Variants in CDH12 observed in about 807,000 individuals in gnomAD.
CDH12 encodes the protein cadherin 12, also known as cadherin-12.
CDH12 carries 41 observed loss-of-function variants against 74.1 expected under a neutral mutation model. The observed-to-expected ratio is 0.55, with a 90% CI of 0.43 to 0.72. CDH12 has a LOEUF of 0.72. Ranked by LOEUF, CDH12 falls within the 30% of genes least tolerant of loss-of-function variation. CDH12 has a pLI of 0.00. For synonymous variants in CDH12, 399 were observed against 355.0 expected (o/e 1.12, Z -1.39); for missense variants, 945 against 977.2 (o/e 0.97, Z 0.44).
intron 10 of CDH12, among the ~76,000 whole-genome samples, chr5:21,800,375 C>A (rs1233287127): frequency 6.6e-6 from 1 of 152,040 alleles, no homozygotes; most frequent in Non-Finnish European, 1.5e-5. Context: ...ATGTATCCCC[C>A]CAAAATTCAC....
chr5:21,989,639 A>G (rs1488088992), intron 5 of CDH12, among the ~76,000 whole-genome samples: 1 of 152,242 alleles, frequency 6.6e-6, no homozygotes, highest in African/African-American at 2.4e-5. Flanking sequence ...AAAATGTAAC[A>G]TATTATGTTT....
At chr5:22,010,993 T>C (rs2150152614) in intron 5 of CDH12, among the ~76,000 whole-genome samples, 1 of 152,200 alleles carries the variant, frequency 6.6e-6, no homozygotes, top group South Asian at 2.1e-4. Context: ...TGATTCATGC[T>C]TGCGTCATTA....
chr5:22,487,373 A>C (rs996247808), intron 2 of CDH12, among the ~76,000 whole-genome samples: 1 of 152,196 alleles, frequency 6.6e-6, no homozygotes, highest in Non-Finnish European at 1.5e-5. Context: ...GTGGACAACA[A>C]GGTAAAAAAC....
chr5:22,721,241 C>T (rs537803008), intron 1 of CDH12, among the ~76,000 whole-genome samples: 18 of 152,312 alleles, frequency 1.2e-4, no homozygotes, highest in African/African-American at 4.3e-4. Context: ...CTAAAAGGGG[C>T]CAAGGTGGAG....
intron 2 of CDH12, among the ~76,000 whole-genome samples, chr5:22,447,103 C>T (rs138755642): frequency 7.3e-4 from 111 of 152,154 alleles, no homozygotes; most frequent in Middle Eastern, 3.4e-3. Flanking sequence ...CCTTAGATTG[C>T]TGAACATCAC....
rs34256665 is a variant in CDH12 at position 22,376,683 on chromosome 5, A to ATTTTT, written c.-333+28569_-333+28573dup. 1.0e-4 allele frequency among the ~76,000 whole-genome samples: 12 copies of ATTTTT among 117,192 alleles called. 1 individual carries two copies. Among genetic ancestry groups the ATTTTT allele is most frequent in the South Asian group, 6.0e-4 (2 of 3,306 alleles). 76.9% of individuals were successfully genotyped at this position (117,192 alleles called of 152,430 possible). A position where few individuals can be genotyped will look rare whatever the true frequency, so the allele number is the denominator to read the frequency against. On this transcript the variant is annotated intron_variant, in intron 3 of 14. Coordinates refer to ENST00000382254, the MANE Select transcript of CDH12 (RefSeq NM_004061.5). ...AGGCATGTGCCACTATGGTTGACTA[A>ATTTTT]TTTTTTTTTTTTTTTTTTTTTTAGA...
intron 3 of CDH12, among the ~76,000 whole-genome samples, chr5:22,339,869 G>T (rs1739766840): frequency 6.6e-6 from 1 of 152,098 alleles, no homozygotes; most frequent in Non-Finnish European, 1.5e-5. Context: ...TATATACATA[G>T]AAAATTGTTT....
rs185549715 is a variant in CDH12 at position 21,993,279 on chromosome 5, A to T, written c.232-17894T>A. On this transcript the variant is annotated intron_variant, in intron 5 of 14. Transcript: ENST00000382254. Reference sequence around the variant, plus strand: ...AGTAGTAGGAAGTATTCTACAACCGACTCCTAGATTTCTCTCCCCTGAGTG... The same window carrying T: ...AGTAGTAGGAAGTATTCTACAACCGTCTCCTAGATTTCTCTCCCCTGAGTG... 3.8e-3 allele frequency among the ~76,000 whole-genome samples: 570 copies of T among 151,532 alleles called. 1 individual carries two copies. The highest frequency in any genetic ancestry group is 6.8e-3 in the Middle Eastern group (2 of 292).
chr5:22,362,103 T>C (rs1322178068), intron 3 of CDH12, among the ~76,000 whole-genome samples: 2 of 152,098 alleles, frequency 1.3e-5, no homozygotes, highest in Non-Finnish European at 2.9e-5. Flanking sequence ...ACTAAAGACC[T>C]TCTGCACAGC....
intron 3 of CDH12, among the ~76,000 whole-genome samples, chr5:22,374,571 A>T (rs1261375): frequency 0.043 from 6,544 of 152,176 alleles, 311 homozygotes; most frequent in East Asian, 0.12. Flanking sequence ...TAAAAACTCT[A>T]CCACAAAACC....
chr5:21,847,588 C>G (rs754404750), intron 7 of CDH12, among the ~76,000 whole-genome samples: 91 of 152,002 alleles, frequency 6.0e-4, no homozygotes, highest in Non-Finnish European at 7.5e-4. Flanking sequence ...GACTCTGACC[C>G]TTCTGCTTCC....
intron 1 of CDH12, among the ~76,000 whole-genome samples, chr5:22,563,033 A>C (rs1017017346): frequency 2.0e-5 from 3 of 147,440 alleles, no homozygotes; most frequent in Non-Finnish European, 4.5e-5. Context: ...TAAATGCATA[A>C]ATTTATATAT....
intron 5 of CDH12, among the ~76,000 whole-genome samples, chr5:22,024,785 A>C (rs1489466803): frequency 6.6e-6 from 1 of 152,186 alleles, no homozygotes; most frequent in African/African-American, 2.4e-5. Flanking sequence ...AAGTGCTGGA[A>C]TTACAGCTGT....
chr5:22,179,832 A>C (rs1749539402), intron 4 of CDH12, among the ~76,000 whole-genome samples: 1 of 152,204 alleles, frequency 6.6e-6, no homozygotes, highest in South Asian at 2.1e-4. Context: ...GGAAGGTACT[A>C]AGAGTGACAA....
At chr5:22,333,733 A>T (rs1739443272) in intron 3 of CDH12, among the ~76,000 whole-genome samples, 1 of 152,214 alleles carries the variant, frequency 6.6e-6, no homozygotes, top group African/African-American at 2.4e-5. Context: ...AACATTCTTA[A>T]CGATACACTA....
intron 3 of CDH12, among the ~76,000 whole-genome samples, chr5:22,366,557 G>T (rs1211830349): frequency 2.0e-5 from 3 of 152,104 alleles, no homozygotes; most frequent in Non-Finnish European, 4.4e-5. Context: ...TAATGAATTT[G>T]TTTTGATTAC....
chr5:22,029,057 A>G (rs1037795855), intron 5 of CDH12, among the ~76,000 whole-genome samples: 11 of 152,358 alleles, frequency 7.2e-5, no homozygotes, highest in African/African-American at 2.6e-4. Flanking sequence ...CCAGCTAGCC[A>G]TATGTAGAAA....
At chr5:22,302,023 A>AGG (rs1454372760) in intron 3 of CDH12, among the ~76,000 whole-genome samples, 2 of 151,724 alleles carry the variant, frequency 1.3e-5, no homozygotes, top group Non-Finnish European at 2.9e-5. Flanking sequence ...AGAGAGAGAG[A>AGG]GAGAGAGAGT....
intron 6 of CDH12, among the ~76,000 whole-genome samples, chr5:21,932,015 AC>A (rs1326911291): frequency 6.6e-6 from 1 of 152,204 alleles, no homozygotes; most frequent in African/African-American, 2.4e-5. Flanking sequence ...TTTTATAATC[AC>A]GGCATTTTAA....
Sources: allele counts gnomAD v4.1 joint callset (sites outside exome capture counted in the v4.1 genomes callset), GRCh38; gene constraint gnomAD v4.1.1; transcripts MANE v1.5; gene names NCBI Gene and HGNC (gene_info 2026-07-23, HGNC 2026-07-21).